The following PLCL1 variants were observed in gnomAD, a reference collection of about 807,000 sequenced individuals.
PLCL1 encodes the protein phospholipase C like 1 (inactive).
In PLCL1, 41 loss-of-function variants were observed where a neutral mutation model predicts 84.4. The ratio of observed to expected loss-of-function variants is 0.49; its 90% CI spans 0.38 to 0.63. The LOEUF is 0.63. PLCL1 is among the 30% of genes least tolerant of loss of function. The pLI is 0.00. For synonymous variants in PLCL1, 490 were observed against 488.3 expected (o/e 1.00, Z -0.05); for missense variants, 1,206 against 1,367.8 (o/e 0.88, Z 1.87).
chr2:198,129,414 C>G (rs929247716), intron 5 of PLCL1, among the ~76,000 whole-genome samples: 2 of 152,092 alleles, frequency 1.3e-5, no homozygotes, highest in Non-Finnish European at 2.9e-5. Context: ...TAACTTAAAC[C>G]CTTCAACCAA....
chr2:198,069,780 G>C (rs1692418778), intron 1 of PLCL1, among the ~76,000 whole-genome samples: 1 of 152,116 alleles, frequency 6.6e-6, no homozygotes, highest in African/African-American at 2.4e-5. Flanking sequence ...TTCATTAGTT[G>C]AATGTCCTGA....
intron 1 of PLCL1, among the ~76,000 whole-genome samples, chr2:197,960,686 G>C (rs1201606274): frequency 6.6e-6 from 1 of 152,102 alleles, no homozygotes; most frequent in Non-Finnish European, 1.5e-5. Flanking sequence ...CATCTGTGCA[G>C]TATGACTGGC....
chr2:197,994,872 C>T lies in PLCL1; in HGVS notation c.241-88886C>T, dbSNP rs567854696. Among the ~76,000 whole-genome samples the T allele has an allele frequency of 2.6e-5, 4 of 152,306 alleles. No individual in the cohort carries two copies. In the East Asian group the frequency reaches 5.8e-4, roughly 22 times the overall value. On this transcript the variant is annotated intron_variant, in intron 1 of 5. Coordinates refer to ENST00000428675, the MANE Select transcript of PLCL1 (RefSeq NM_006226.4). Reference sequence around the variant, plus strand: ...TTATGTATGTGATCCCCAAAGCAGACGTGTCCTAGGCATCAGTTTTCTTAT... The same window carrying T: ...TTATGTATGTGATCCCCAAAGCAGATGTGTCCTAGGCATCAGTTTTCTTAT...
chr2:198,141,737 C>A (rs1694392595), intron 5 of PLCL1, among the ~76,000 whole-genome samples: 2 of 152,268 alleles, frequency 1.3e-5, no homozygotes, highest in East Asian at 1.9e-4. Context: ...GTTTCTACTG[C>A]AGCACTGTCC....
intron 1 of PLCL1, among the ~76,000 whole-genome samples, chr2:197,863,189 G>T (rs77537962): frequency 0.015 from 2,220 of 148,734 alleles, 64 homozygotes; most frequent in African/African-American, 0.052. Context: ...ATGATTATGT[G>T]CCTTTCACGC....
chr2:197,959,728 C>T (rs1319558034), intron 1 of PLCL1, among the ~76,000 whole-genome samples: 1 of 151,896 alleles, frequency 6.6e-6, no homozygotes, highest in Non-Finnish European at 1.5e-5. Flanking sequence ...ATCTGTATTT[C>T]TAGTTTCTTG....
chr2:197,904,397 G>A (rs143383407), intron 1 of PLCL1, among the ~76,000 whole-genome samples: 9 of 152,106 alleles, frequency 5.9e-5, no homozygotes, highest in Non-Finnish European at 1.3e-4. Context: ...TTAAAAAGTC[G>A]TTCCCTTAGA....
chr2:198,119,900 C>T (rs1276507964), intron 5 of PLCL1, among the ~76,000 whole-genome samples: 1 of 151,894 alleles, frequency 6.6e-6, no homozygotes, highest in Non-Finnish European at 1.5e-5. Flanking sequence ...AACTAGTAAG[C>T]CGTGGGGATG....
At chr2:198,077,782 C>G (rs761575906) in intron 1 of PLCL1, among the ~76,000 whole-genome samples, 24 of 152,166 alleles carry the variant, frequency 1.6e-4, no homozygotes, top group Non-Finnish European at 2.6e-4. Flanking sequence ...CCAAAGTAAA[C>G]TTAGTTTCCA....
At chr2:198,062,430 A>G (rs1559090216) in intron 1 of PLCL1, among the ~76,000 whole-genome samples, 1 of 152,174 alleles carries the variant, frequency 6.6e-6, no homozygotes, top group Non-Finnish European at 1.5e-5. Flanking sequence ...ACGTAACTCA[A>G]TTATATATAC....
At chr2:198,074,564 G>A (rs1054785071) in intron 1 of PLCL1, among the ~76,000 whole-genome samples, 2 of 152,162 alleles carry the variant, frequency 1.3e-5, no homozygotes, top group Admixed American at 6.6e-5. Context: ...GTGTGAACCT[G>A]GGAGGCGGAG....
chr2:198,109,243 A>T (rs1693560030), intron 5 of PLCL1, among the ~76,000 whole-genome samples: 1 of 151,810 alleles, frequency 6.6e-6, no homozygotes, highest in South Asian at 2.1e-4. Flanking sequence ...CGTCTTTCAG[A>T]GGGGAGGAAC....
chr2:197,835,428 C>T (rs1691166019), intron 1 of PLCL1, among the ~76,000 whole-genome samples: 1 of 152,182 alleles, frequency 6.6e-6, no homozygotes, highest in African/African-American at 2.4e-5. Flanking sequence ...ACATTTTCGT[C>T]ATCCCAAACT....
chr2:197,805,453 C>T lies in PLCL1; in HGVS notation c.240+114C>T. On this transcript the variant is annotated intron_variant, in intron 1 of 5. Transcript: ENST00000428675. The surrounding 1 kb of genome is among the most constrained non-coding windows in gnomAD (Gnocchi z 4.0). ...CCGGGCTCAGCATTGTTTTCTCCCA[C>T]CTCCTTCAACGCCAAACCTTCCTTC... 1 of 973,646 alleles carries T rather than the reference C, an allele frequency of 1.0e-6. No homozygotes were observed. Among genetic ancestry groups the T allele is most frequent in the Non-Finnish European group, 1.3e-6 (1 of 748,188 alleles). 60.3% of individuals were successfully genotyped at this position (973,646 alleles called of 1,614,324 possible). A position where few individuals can be genotyped will look rare whatever the true frequency, so the allele number is the denominator to read the frequency against.
intron 5 of PLCL1, among the ~76,000 whole-genome samples, chr2:198,142,655 C>T (rs1347206641): frequency 7.9e-5 from 12 of 152,154 alleles, no homozygotes; most frequent in Admixed American, 7.9e-4. Flanking sequence ...TGGAACCTTA[C>T]ATTCAGAAGC....
At chr2:198,062,027 G>A (rs557837555) in intron 1 of PLCL1, among the ~76,000 whole-genome samples, 3 of 152,202 alleles carry the variant, frequency 2.0e-5, no homozygotes, top group South Asian at 2.1e-4. Flanking sequence ...AATAAATGAC[G>A]GCTCCCTTCC....
At chr2:197,948,114 G>T (rs1402512132) in intron 1 of PLCL1, among the ~76,000 whole-genome samples, 1 of 152,134 alleles carries the variant, frequency 6.6e-6, no homozygotes, top group Non-Finnish European at 1.5e-5. Context: ...GATGAGAAAT[G>T]AGAAACAGGA....
chr2:198,147,089 T>C lies in PLCL1; in HGVS notation c.*127T>C. 1 of 653,896 alleles carries C rather than the reference T, an allele frequency of 1.5e-6. No individual in the cohort carries two copies. Among genetic ancestry groups the C allele is most frequent in the South Asian group, 2.5e-5 (1 of 39,436 alleles). The allele number at this position is 653,896 out of a possible 1,614,324, so 40.5% of individuals were successfully genotyped here. ...CTATATGGGGTATTGGACATAGATA[T>C]TTTCACAATGTCAGTATTTCAGTGT... is the stretch of plus-strand genomic sequence containing the variant. On this transcript the variant is annotated 3_prime_UTR_variant, in exon 6 of 6. Coordinates refer to ENST00000428675, the MANE Select transcript of PLCL1 (RefSeq NM_006226.4).
intron 5 of PLCL1, among the ~76,000 whole-genome samples, chr2:198,126,646 T>C (rs1017441418): frequency 4.6e-5 from 7 of 152,156 alleles, no homozygotes; most frequent in East Asian, 3.9e-4. Flanking sequence ...GGCTCATTCC[T>C]GTAATCCCAG....
Sources: gnomAD v4.1 joint callset for allele counts (sites outside exome capture counted in the v4.1 genomes callset) on GRCh38, gnomAD v4.1.1 for gene constraint, Gnocchi (gnomAD v3.1) non-coding constraint, MANE v1.5 for transcripts, NCBI Gene and HGNC (gene_info 2026-07-23, HGNC 2026-07-21) for gene names.